The following SWAP70 variants were observed in gnomAD, a reference collection of about 807,000 sequenced individuals.
The protein encoded by SWAP70 is switch-associated protein 70.
Under a neutral mutation model 80.2 loss-of-function variants are expected in SWAP70, and 34 were observed. The observed-to-expected ratio is 0.42, with a 90% CI of 0.32 to 0.56. The LOEUF (loss-of-function observed/expected upper bound fraction) is 0.56, where lower values mean the gene tolerates loss of function less well. Among genes scored for constraint, SWAP70 ranks in the 20% least tolerant of loss-of-function variants. SWAP70 has a pLI of 0.09. For missense variants in SWAP70, 578 were observed against 690.7 expected (o/e 0.84, Z 1.83); for synonymous variants, 239 against 238.5 (o/e 1.00, Z -0.02).
chr11:9,742,716 A>G (rs370252821), intron 9 of SWAP70, among the ~76,000 whole-genome samples: 1 of 152,082 alleles, frequency 6.6e-6, no homozygotes, highest in Non-Finnish European at 1.5e-5. Context: ...ACTTTCTGTC[A>G]GATTGGCAGA....
chr11:9,707,910 G>A (rs1850940632), intron 2 of SWAP70, among the ~76,000 whole-genome samples: 2 of 151,968 alleles, frequency 1.3e-5, no homozygotes, highest in African/African-American at 2.4e-5. Context: ...TAATAGTTTT[G>A]GGGGAACAGG....
chr11:9,740,494 CTG>C (rs772799250), intron 9 of SWAP70, 147 bp downstream of exon 9: 5 of 808,844 alleles, frequency 6.2e-6, no homozygotes, highest in South Asian at 2.9e-5. Flanking sequence ...ATTAGAAAGA[CTG>C]TGGAGACTCG....
intron 2 of SWAP70, among the ~76,000 whole-genome samples, chr11:9,708,233 A>G (rs1850948793): frequency 6.6e-6 from 1 of 152,192 alleles, no homozygotes; most frequent in Non-Finnish European, 1.5e-5. Flanking sequence ...TTTCCATAGC[A>G]GCTGCACCAT....
At chr11:9,700,920 T>C (rs1850822686) in intron 2 of SWAP70, among the ~76,000 whole-genome samples, 2 of 152,172 alleles carry the variant, frequency 1.3e-5, no homozygotes, top group Non-Finnish European at 2.9e-5. Flanking sequence ...AGTGTTCATT[T>C]TGGTCAGTTT....
intron 2 of SWAP70, among the ~76,000 whole-genome samples, chr11:9,699,876 A>G (rs1013425298): frequency 6.6e-6 from 1 of 150,376 alleles, no homozygotes; most frequent in Non-Finnish European, 1.5e-5. Context: ...GTATATATAT[A>G]TATATATATA....
chr11:9,718,279 G>A (rs892288962), intron 3 of SWAP70, among the ~76,000 whole-genome samples: 2 of 152,196 alleles, frequency 1.3e-5, no homozygotes, highest in African/African-American at 4.8e-5. Flanking sequence ...GTTAGAAGTA[G>A]AATTTGAGTT....
At chr11:9,736,731 A>C (rs1431764358) in intron 7 of SWAP70, among the ~76,000 whole-genome samples, 2 of 152,128 alleles carry the variant, frequency 1.3e-5, no homozygotes, top group East Asian at 3.9e-4. Flanking sequence ...GTACCACACC[A>C]ACAGCTGTTA....
chr11:9,712,347 A>T (rs1015227133), intron 2 of SWAP70, among the ~76,000 whole-genome samples: 1 of 152,128 alleles, frequency 6.6e-6, no homozygotes, highest in East Asian at 1.9e-4. Context: ...ATTTATTTGC[A>T]TATCTGTTTT....
chr11:9,678,505 T>A (rs1850528065), intron 1 of SWAP70, among the ~76,000 whole-genome samples: 1 of 149,560 alleles, frequency 6.7e-6, no homozygotes, highest in African/African-American at 2.5e-5. Context: ...GGGAAATACA[T>A]GTACTTTTAT....
intron 1 of SWAP70, among the ~76,000 whole-genome samples, chr11:9,680,291 C>A (rs770441489): frequency 6.6e-6 from 1 of 152,160 alleles, no homozygotes; most frequent in Non-Finnish European, 1.5e-5. Flanking sequence ...CAGTGTTAGC[C>A]AGTAGCCACG....
At chr11:9,671,737 TAC>T (rs1850405489) in intron 1 of SWAP70, among the ~76,000 whole-genome samples, 2 of 95,142 alleles carry the variant, frequency 2.1e-5, no homozygotes, top group African/African-American at 8.4e-5. Flanking sequence ...TTTCTATGTA[TAC>T]ATAGAAATAT....
Position 9,751,997 on chromosome 11 carries a change from C to T in SWAP70, c.*2027C>T, listed in dbSNP as rs1851596861. ...ACGAGACTTAGGTAAGGAATGGAAC[C>T]TTTCCTGTGGTTTGACTGCACATTA... On this transcript the variant is annotated 3_prime_UTR_variant, in exon 12 of 12. Coordinates refer to ENST00000318950, the MANE Select transcript of SWAP70 (RefSeq NM_015055.4). 1 of 152,108 alleles carries T rather than the reference C, an allele frequency of 6.6e-6. No individual in the cohort carries two copies. Among genetic ancestry groups the T allele is most frequent in the Non-Finnish European group, 1.5e-5 (1 of 68,016 alleles). The allele number at this position is 152,108 out of a possible 1,614,324, so 9.4% of individuals were successfully genotyped here.
intron 9 of SWAP70, among the ~76,000 whole-genome samples, chr11:9,745,131 T>C (rs1851496055): frequency 6.6e-6 from 1 of 152,176 alleles, no homozygotes; most frequent in African/African-American, 2.4e-5. Context: ...TTACATTTGA[T>C]ATAATACTTT....
chr11:9,683,841 A>G lies in SWAP70; in HGVS notation c.100-10305A>G, dbSNP rs572895122. 2.0e-5 allele frequency among the ~76,000 whole-genome samples: 3 copies of G among 152,298 alleles called. No individual in the cohort carries two copies. In the South Asian group the frequency reaches 6.2e-4, roughly 32 times the overall value. ...GTAGCAGTTACCTACTTGAGGGGGC[A>G]TCTGAGTGGTGCATCTCTGTGTCTA... is the stretch of plus-strand genomic sequence containing the variant. On this transcript the variant is annotated intron_variant, in intron 1 of 11. Transcript: ENST00000318950.
intron 1 of SWAP70, among the ~76,000 whole-genome samples, chr11:9,682,342 A>G (rs1590015494): frequency 6.6e-6 from 1 of 152,318 alleles, no homozygotes; most frequent in East Asian, 1.9e-4. Context: ...AGAAGAGACC[A>G]TAGTTTTGTT....
At chr11:9,740,037 C>CT (rs1851415291) in intron 8 of SWAP70, 144 bp from the exon 9 acceptor site, 4 of 677,300 alleles carry the variant, frequency 5.9e-6, no homozygotes, top group Non-Finnish European at 1.0e-5. Context: ...TCTCCTCCAT[C>CT]TTTAAGTTCA....
chr11:9,748,920 C>T (rs1028062652), intron 10 of SWAP70, among the ~76,000 whole-genome samples, 167 bp from the exon 11 acceptor site: 11 of 152,178 alleles, frequency 7.2e-5, no homozygotes, highest in African/African-American at 2.4e-4. Context: ...TCTCTGAACC[C>T]GTTTTCACTC....
chr11:9,725,556 T>G lies in SWAP70; in HGVS notation c.642+671T>G, dbSNP rs1379197059. On this transcript the variant is annotated intron_variant, in intron 4 of 11. Transcript: ENST00000318950. ...ATATATATATATATATATATATATATATATATATATATATTTTTTTTTTTT... is the reference window on the plus strand; with the variant it reads ...ATATATATATATATATATATATATAGATATATATATATATTTTTTTTTTTT... Among the ~76,000 whole-genome samples the G allele has an allele frequency of 3.5e-4, 4 of 11,408 alleles. No individual in the cohort carries two copies. The East Asian group carries it at 6.3e-3, about 18-fold the overall frequency. The allele number at this position is 11,408 out of a possible 152,430, so 7.5% of individuals were successfully genotyped here.
At chr11:9,728,314 C>A in intron 5 of SWAP70, 115 bp downstream of exon 5, 1 of 1,162,870 alleles carries the variant, frequency 8.6e-7, no homozygotes, top group Non-Finnish European at 1.1e-6. Context: ...CCCAAATTTA[C>A]ATTTCCAAAA....
Sources: gnomAD v4.1 joint callset for allele counts (sites outside exome capture counted in the v4.1 genomes callset) on GRCh38, gnomAD v4.1.1 for gene constraint, MANE v1.5 for transcripts, NCBI Gene and HGNC (gene_info 2026-07-23, HGNC 2026-07-21) for gene names.